The following CDK14 variants were observed in gnomAD, a reference collection of about 807,000 sequenced individuals.
CDK14 encodes cyclin dependent kinase 14.
Under a neutral mutation model 60.7 loss-of-function variants are expected in CDK14, and 34 were observed. The ratio of observed to expected loss-of-function variants is 0.56; its 90% CI spans 0.43 to 0.75. The LOEUF is 0.75. Ranked by LOEUF, CDK14 falls within the 30% of genes least tolerant of loss-of-function variation. CDK14 has a pLI of 0.00. For synonymous variants in CDK14, 197 were observed against 203.7 expected (o/e 0.97, Z 0.28); for missense variants, 482 against 564.1 (o/e 0.85, Z 1.47).
chr7:90,999,453 G>A (rs1215613322), intron 10 of CDK14, among the ~76,000 whole-genome samples: 2 of 151,840 alleles, frequency 1.3e-5, no homozygotes, highest in Admixed American at 6.6e-5. Flanking sequence ...GCCAGGCATG[G>A]TGGCGTGTGC....
chr7:90,927,843 G>A (rs1453323091), intron 8 of CDK14, among the ~76,000 whole-genome samples: 1 of 152,106 alleles, frequency 6.6e-6, no homozygotes, highest in Non-Finnish European at 1.5e-5. Context: ...GTCACTTTCA[G>A]GTATACCAAT....
chr7:91,079,934 T>A (rs1012353175), intron 12 of CDK14, among the ~76,000 whole-genome samples: 1 of 152,204 alleles, frequency 6.6e-6, no homozygotes, highest in Non-Finnish European at 1.5e-5. Flanking sequence ...ATGACTGAAG[T>A]GTGTGTTCTC....
At chr7:90,950,948 C>G (rs887103566) in intron 8 of CDK14, among the ~76,000 whole-genome samples, 1 of 151,330 alleles carries the variant, frequency 6.6e-6, no homozygotes. Flanking sequence ...AATAGAGTAT[C>G]TTCAAACAGT....
intron 2 of CDK14, among the ~76,000 whole-genome samples, chr7:90,614,697 T>G (rs1799614140): frequency 6.6e-6 from 1 of 152,116 alleles, no homozygotes; most frequent in Non-Finnish European, 1.5e-5. Context: ...GTCCACCAGT[T>G]TCAGCCTCTC....
At chr7:90,721,581 C>T (rs1355525588) in intron 2 of CDK14, among the ~76,000 whole-genome samples, 1 of 152,160 alleles carries the variant, frequency 6.6e-6, no homozygotes, top group Non-Finnish European at 1.5e-5. Flanking sequence ...TGGATGTTTC[C>T]TGGCTCTTTC....
rs545432904 is a variant in CDK14, at chr7:90,602,282, T to C, written c.92-1936T>C. On this transcript the variant is annotated intron_variant, in intron 1 of 14. Coordinates refer to ENST00000380050, the MANE Select transcript of CDK14 (RefSeq NM_001287135.2). Reference sequence around the variant, plus strand: ...GCATGGCAGCCACATAGTGCGCGTGTTCCATTAATCTTTGTTAAATGAGCT... The same window carrying C: ...GCATGGCAGCCACATAGTGCGCGTGCTCCATTAATCTTTGTTAAATGAGCT... 5.9e-5 allele frequency among the ~76,000 whole-genome samples: 9 copies of C among 152,364 alleles called. No individual in the cohort carries two copies. In the South Asian group the frequency reaches 1.9e-3, roughly 32 times the overall value.
chr7:90,626,074 A>C lies in CDK14; in HGVS notation c.123+21825A>C, dbSNP rs17867014. 5.1e-3 allele frequency among the ~76,000 whole-genome samples: 780 copies of C among 152,284 alleles called. 3 individuals carry two copies. The highest frequency in any genetic ancestry group is 0.01 in the Middle Eastern group (3 of 294). On this transcript the variant is annotated intron_variant, in intron 2 of 14. Transcript: ENST00000380050. ...TCAATACAATCTTTCTGTGACTTCC[A>C]CTGGTAGCACCATTCTTGATCTGAG... is the stretch of plus-strand genomic sequence containing the variant.
chr7:90,712,852 A>G (rs1046216926), intron 2 of CDK14, among the ~76,000 whole-genome samples: 2 of 152,062 alleles, frequency 1.3e-5, no homozygotes, highest in African/African-American at 4.8e-5. Flanking sequence ...TTCATAAGCA[A>G]AGACTGATCA....
chr7:91,007,689 A>G lies in CDK14; in HGVS notation c.1041+23448A>G, dbSNP rs570546021. On this transcript the variant is annotated intron_variant, in intron 10 of 14. Transcript: ENST00000380050. ...CTCAGATTCATTTCAGCTGTATAGA[A>G]TGAAAAAGCCTTCCAGCTAGCAGCT... is the stretch of plus-strand genomic sequence containing the variant. Among the ~76,000 whole-genome samples the G allele has an allele frequency of 6.6e-5, 10 of 152,322 alleles. No individual in the cohort carries two copies. The South Asian group carries it at 1.9e-3, about 28-fold the overall frequency.
At chr7:91,092,565 TTA>T (rs1798862092) in intron 12 of CDK14, among the ~76,000 whole-genome samples, 3 of 152,232 alleles carry the variant, frequency 2.0e-5, no homozygotes, top group Admixed American at 2.0e-4. Context: ...AACATGCGAA[TTA>T]TCGCAGAAAA....
chr7:90,883,401 G>A (rs1041653919), intron 6 of CDK14, among the ~76,000 whole-genome samples: 17 of 152,280 alleles, frequency 1.1e-4, no homozygotes, highest in African/African-American at 4.1e-4. Context: ...AAACCAGGAA[G>A]AAGTCTAATC....
At chr7:91,132,291 A>T (rs1800141668) in intron 14 of CDK14, among the ~76,000 whole-genome samples, 1 of 152,190 alleles carries the variant, frequency 6.6e-6, no homozygotes, top group Non-Finnish European at 1.5e-5. Flanking sequence ...GAGGAGAAGG[A>T]TGTTTTCAAA....
intron 4 of CDK14, among the ~76,000 whole-genome samples, chr7:90,787,042 T>TAACATTTTTACC (rs1431699410): frequency 2.0e-5 from 3 of 152,172 alleles, no homozygotes; most frequent in African/African-American, 7.2e-5. Flanking sequence ...CCCAGTGACT[T>TAACATTTTTACC]AACATTTTTA....
At chr7:90,770,984 C>T (rs1804763328) in intron 4 of CDK14, among the ~76,000 whole-genome samples, 1 of 152,126 alleles carries the variant, frequency 6.6e-6, no homozygotes, top group African/African-American at 2.4e-5. Flanking sequence ...AGAGAGAATC[C>T]CCTCACCCTG....
chr7:90,828,248 A>T (rs2117100365), intron 5 of CDK14, among the ~76,000 whole-genome samples: 1 of 152,282 alleles, frequency 6.6e-6, no homozygotes, highest in East Asian at 1.9e-4. Flanking sequence ...GGTTTAGGTA[A>T]CTTACCAGCC....
At chr7:90,676,531 T>A (rs1801201133) in intron 2 of CDK14, among the ~76,000 whole-genome samples, 1 of 13,006 alleles carries the variant, frequency 7.7e-5, no homozygotes, top group Non-Finnish European at 1.4e-4. Context: ...TGTTTCATTT[T>A]TTTTTTTTTT....
chr7:91,027,977 C>A (rs1796646227), intron 10 of CDK14, among the ~76,000 whole-genome samples: 1 of 125,326 alleles, frequency 8.0e-6, no homozygotes, highest in Admixed American at 8.2e-5. Flanking sequence ...CCCCTTTCCC[C>A]TCTCCCCTGT....
chr7:91,123,164 T>C lies in CDK14; in HGVS notation c.*28+4956T>C, dbSNP rs142117957. 2.7e-4 allele frequency among the ~76,000 whole-genome samples: 41 copies of C among 152,318 alleles called. No homozygotes were observed. The East Asian group carries it at 5.4e-3, about 20-fold the overall frequency. ...GACTAAAGGTCCTTTTAAGGTGTGT[T>C]GCATTTTCTCAACTATAGACACAAA... On this transcript the variant is annotated intron_variant, in intron 14 of 14. Coordinates refer to ENST00000380050, the MANE Select transcript of CDK14 (RefSeq NM_001287135.2).
chr7:90,601,920 TTTTATGTATGTATGTATGTA>T (rs947306073), intron 1 of CDK14, among the ~76,000 whole-genome samples: 4 of 125,704 alleles, frequency 3.2e-5, no homozygotes, highest in African/African-American at 1.2e-4. Context: ...GCTTGGCTAA[TTTTATGTATGTATGTATGTA>T]TGTATGTATG....
Sources: gnomAD v4.1 joint callset for allele counts (sites outside exome capture counted in the v4.1 genomes callset) on GRCh38, gnomAD v4.1.1 for gene constraint, MANE v1.5 for transcripts, NCBI Gene and HGNC (gene_info 2026-07-23, HGNC 2026-07-21) for gene names.